The following HHATL variants were observed in gnomAD, a reference collection of about 807,000 sequenced individuals.
The protein encoded by HHATL is hedgehog acyltransferase like.
HHATL carries 49 observed loss-of-function variants against 59.7 expected under a neutral mutation model. That is an observed-to-expected ratio of 0.82 (90% CI 0.65 to 1.04). The LOEUF (loss-of-function observed/expected upper bound fraction) is 1.04. HHATL is among the 50% of genes least tolerant of loss of function. The pLI is 0.00. For synonymous variants in HHATL, 238 were observed against 257.3 expected (o/e 0.93, Z 0.72); for missense variants, 605 against 650.8 (o/e 0.93, Z 0.77).
Position 42,698,359 on chromosome 3 carries a change from G to C in HHATL, c.484-8C>G. 1 of 1,607,652 alleles carries C rather than the reference G, an allele frequency of 6.2e-7. No individual in the cohort carries two copies. The highest frequency in any genetic ancestry group is 1.7e-5 in the Admixed American group (1 of 59,898). On this transcript the variant is annotated splice_region_variant and splice_polypyrimidine_tract_variant and intron_variant, in intron 5 of 11. Coordinates refer to ENST00000441594, the MANE Select transcript of HHATL (RefSeq NM_020707.4). Reference sequence around the variant, plus strand: ...GCCTGTTACAAACCCGCTCTGGAGGGGGAAAGAACAGGCCACCAGCTCACT... The same window carrying C: ...GCCTGTTACAAACCCGCTCTGGAGGCGGAAAGAACAGGCCACCAGCTCACT...
chr3:42,699,681 T>C (rs777678164), intron 3 of HHATL, 77 bp downstream of exon 3: 2 of 1,289,514 alleles, frequency 1.6e-6, no homozygotes, highest in Non-Finnish European at 2.2e-6. Context: ...AGCTCTCTGT[T>C]ACTTGCCAAC....
intron 2 of HHATL, among the ~76,000 whole-genome samples, chr3:42,700,192 T>TGTG (rs1697884124): frequency 1.9e-4 from 7 of 36,386 alleles, no homozygotes; most frequent in South Asian, 7.9e-4. Flanking sequence ...GTGTGTGTGT[T>TGTG]GGGGTGTGTG....
chr3:42,699,140 C>G lies in HHATL; in HGVS notation c.180G>C (p.Val60=). The G allele has an allele frequency of 6.2e-7, 1 of 1,613,642 alleles. No homozygotes were observed. ...ACCACATCACCCACTCGAAGTCAGC[C>G]ACATCCTGGGGCAGTCCGGGGCAGA... ...GWEYIGRKMD[V]ADFEWVMWFT... The change falls in exon 4 of 12, where the codon GTG becomes GTC. Residue 60 remains valine, a synonymous_variant. Transcript: ENST00000441594.
chr3:42,693,904 C>A, intron 9 of HHATL, 86 bp from the exon 10 acceptor site: 3 of 1,093,174 alleles, frequency 2.7e-6, no homozygotes, highest in Non-Finnish European at 4.1e-6. Flanking sequence ...GGGCGTCCTC[C>A]TCAACACTGT....
chr3:42,696,693 C>T, intron 9 of HHATL, 149 bp downstream of exon 9: 2 of 823,026 alleles, frequency 2.4e-6, no homozygotes, highest in Non-Finnish European at 3.8e-6. Context: ...CTATATCTTT[C>T]ACCCAGACCT....
chr3:42,699,908 T>C (rs1697861123), intron 2 of HHATL, 83 bp from the exon 3 acceptor site: 3 of 1,175,806 alleles, frequency 2.6e-6, no homozygotes, highest in Admixed American at 4.3e-5. Context: ...TGCCCCACCC[T>C]GGGGAGCGAG....
rs371438743 is a variant in HHATL at position 42,701,721 on chromosome 3, C to T, written c.-14+858G>A. Among the ~76,000 whole-genome samples, 2 of 152,346 alleles carry T rather than the reference C, an allele frequency of 1.3e-5. No individual in the cohort carries two copies. The highest frequency in any genetic ancestry group is 2.4e-5 in the African/African-American group (1 of 41,578). On this transcript the variant is annotated intron_variant, in intron 1 of 11. Transcript: ENST00000441594. The surrounding 1 kb of genome is among the most constrained non-coding windows in gnomAD (Gnocchi z 5.1). Reference sequence around the variant, plus strand: ...GGAGAACTGCTGGGCCGTACTACGGCTCAGCTAGCACCTTTACCCTTCCTA... The same window carrying T: ...GGAGAACTGCTGGGCCGTACTACGGTTCAGCTAGCACCTTTACCCTTCCTA...
intron 6 of HHATL, 35 bp downstream of exon 6, chr3:42,698,107 G>A: frequency 6.3e-7 from 1 of 1,583,676 alleles, no homozygotes; most frequent in Non-Finnish European, 8.7e-7. Flanking sequence ...GGGAGATTCA[G>A]CCCTGTTCTA....
Position 42,700,789 on chromosome 3 carries a change from C to T in HHATL, c.38G>A (p.Gly13Asp), listed in dbSNP as rs1310754676. ...IKTALPAAEL[G>D]LYSLVLSGAL... is the part of the protein sequence containing the mutation. ...CCCACTCAGCACCAGAGAGTAGAGG[C>T]CCAGCTCAGCCGCCGGCAATGCTGT... The change falls in exon 2 of 12, where the codon GGC (glycine) becomes GAC (aspartate). Residue 13 changes from glycine (G) to aspartate (D), a missense_variant. Transcript: ENST00000441594. 3.1e-6 allele frequency: 5 copies of T among 1,613,786 alleles called. No individual in the cohort carries two copies. In the South Asian group the frequency reaches 3.3e-5, roughly 11 times the overall value.
In HHATL at chr3:42,701,846, C is replaced by G. The variant is rs1559628307; in HGVS notation, c.-14+733G>C. On this transcript the variant is annotated intron_variant, in intron 1 of 11. Transcript: ENST00000441594. This position sits in a 1 kb window ranked among gnomAD's most constrained non-coding sequence, Gnocchi z 5.1. Reference sequence around the variant, plus strand: ...AAGCAGGGAACATGTCCAGGCAACTCTTGGGCTGACGGGGCCAAGAGGTGG... The same window carrying G: ...AAGCAGGGAACATGTCCAGGCAACTGTTGGGCTGACGGGGCCAAGAGGTGG... 6.6e-6 allele frequency among the ~76,000 whole-genome samples: 1 copy of G among 152,220 alleles called. No homozygotes were observed. Among genetic ancestry groups the G allele is most frequent in the African/African-American group, 2.4e-5 (1 of 41,456 alleles).
intron 9 of HHATL, among the ~76,000 whole-genome samples, chr3:42,696,201 A>T (rs1697603840): frequency 6.6e-6 from 1 of 151,930 alleles, no homozygotes; most frequent in African/African-American, 2.4e-5. Flanking sequence ...GTGGCACATG[A>T]CCTTGATTCT....
chr3:42,701,146 G>A lies in HHATL; in HGVS notation c.-13-307C>T, dbSNP rs72865716. Reference sequence around the variant, plus strand: ...CATCTTCATACCTTCCAGAGGCACCGGCCCCACCCTCTGCCAAAACCGCTC... The same window carrying A: ...CATCTTCATACCTTCCAGAGGCACCAGCCCCACCCTCTGCCAAAACCGCTC... On this transcript the variant is annotated intron_variant, in intron 1 of 11. Transcript: ENST00000441594. The surrounding 1 kb of genome is among the most constrained non-coding windows in gnomAD (Gnocchi z 5.1). 76,030 of 327,798 alleles carry A rather than the reference G, an allele frequency of 0.23. 9,219 individuals carry two copies. Among genetic ancestry groups the A allele is most frequent in the Non-Finnish European group, 0.25 (43,204 of 174,558 alleles). The allele number at this position is 327,798 out of a possible 1,614,324, so 20.3% of individuals were successfully genotyped here. A position where few individuals can be genotyped will look rare whatever the true frequency, so the allele number is the denominator to read the frequency against.
Position 42,697,673 on chromosome 3 carries a change from G to A in HHATL, c.700C>T (p.Gln234Ter). The change falls in exon 7 of 12, where the codon CAG becomes TAG. Residue 234 changes from glutamine to a stop codon, truncating the protein, a stop_gained. Transcript: ENST00000441594. LOFTEE classifies it high-confidence loss of function. Reference sequence around the variant, plus strand: ...CCCTCGCGTCTCACTGGCTCCACCTGGCTCACCTGGGGGGATGCGAAGGGT... The same window carrying A: ...CCCTCGCGTCTCACTGGCTCCACCTAGCTCACCTGGGGGGATGCGAAGGGT... ...TFDRFHAQVS[Q>*]VEPVRREGEL... is the part of the protein sequence containing the mutation. The A allele has an allele frequency of 6.2e-7, 1 of 1,613,368 alleles. No homozygotes were observed. The highest frequency in any genetic ancestry group is 8.5e-7 in the Non-Finnish European group (1 of 1,179,482).
Position 42,698,135 on chromosome 3 carries a change from C to T in HHATL, c.693+7G>A. ...CTGTTCTAGAAGCCCACAGGGTGTC[C>T]CCTCACCTGAGCATGGAAGCGATCA... On this transcript the variant is annotated splice_region_variant and intron_variant, in intron 6 of 11. Coordinates refer to ENST00000441594, the MANE Select transcript of HHATL (RefSeq NM_020707.4). 6.2e-7 allele frequency: 1 copy of T among 1,613,566 alleles called. No homozygotes were observed. The highest frequency in any genetic ancestry group is 8.5e-7 in the Non-Finnish European group (1 of 1,179,542).
chr3:42,697,196 C>T (rs1266951601), intron 7 of HHATL, 51 bp from the exon 8 acceptor site: 3 of 1,504,778 alleles, frequency 2.0e-6, no homozygotes, highest in Non-Finnish European at 1.8e-6. Flanking sequence ...TGGGGCCTGC[C>T]CCCATGAAGA....
At position 42,694,059 on chromosome 3, in the gene HHATL, A is replaced by C. The variant is rs199556493; in HGVS notation, c.1047-241T>G. 18 of 560,094 alleles carry C rather than the reference A, an allele frequency of 3.2e-5. No homozygotes were observed. In the East Asian group the frequency reaches 5.4e-4, roughly 17 times the overall value. The allele number at this position is 560,094 out of a possible 1,614,324, so 34.7% of individuals were successfully genotyped here. On this transcript the variant is annotated intron_variant, in intron 9 of 11. Coordinates refer to ENST00000441594, the MANE Select transcript of HHATL (RefSeq NM_020707.4). ...CCAAATGATCTCATCCAGACCCAAG[A>C]TTTCAAGTACTAGCTCTATGACGAT... is the stretch of plus-strand genomic sequence containing the variant.
chr3:42,699,157 C>G lies in HHATL; in HGVS notation c.175-12G>C. 1 of 1,607,636 alleles carries G rather than the reference C, an allele frequency of 6.2e-7. No homozygotes were observed. Among genetic ancestry groups the G allele is most frequent in the Non-Finnish European group, 8.5e-7 (1 of 1,174,184 alleles). On this transcript the variant is annotated splice_polypyrimidine_tract_variant and intron_variant, in intron 3 of 11. Coordinates refer to ENST00000441594, the MANE Select transcript of HHATL (RefSeq NM_020707.4). The stretch of plus-strand genomic sequence containing the variant: ...AAGTCAGCCACATCCTGGGGCAGTC[C>G]GGGGCAGAAGGAGGTGGGGCAGGTG...
chr3:42,697,831 G>A, intron 6 of HHATL, 152 bp from the exon 7 acceptor site: 2 of 851,492 alleles, frequency 2.3e-6, no homozygotes, highest in Non-Finnish European at 3.6e-6. Context: ...CCTGGAGTCT[G>A]AGGAGGATTC....
chr3:42,699,035 T>C lies in HHATL; in HGVS notation c.285A>G (p.Pro95=). 1 of 1,614,070 alleles carries C rather than the reference T, an allele frequency of 6.2e-7. No individual in the cohort carries two copies. The highest frequency in any genetic ancestry group is 8.5e-7 in the Non-Finnish European group (1 of 1,179,932). ...LFAKLCTMVA[P]KLRSWMYAVY... ...GGGTGGCCCAGGTCCAGCTCACCTTTGGGGCAACCATCGTGCAGAGTTTAG... is the reference window on the plus strand; with the variant it reads ...GGGTGGCCCAGGTCCAGCTCACCTTCGGGGCAACCATCGTGCAGAGTTTAG... The change falls in exon 4 of 12, where the codon CCA becomes CCG. Residue 95 remains proline (P), a synonymous_variant. Transcript: ENST00000441594.
Sources: gnomAD v4.1 joint callset for allele counts (sites outside exome capture counted in the v4.1 genomes callset) on GRCh38, gnomAD v4.1.1 for gene constraint, Gnocchi (gnomAD v3.1) non-coding constraint, MANE v1.5 for transcripts, NCBI Gene and HGNC (gene_info 2026-07-23, HGNC 2026-07-21) for gene names.